Variants in CCDC141 observed in about 807,000 individuals in gnomAD.
CCDC141 encodes coiled-coil domain containing 141, also known as coiled-coil domain-containing protein 141.
CCDC141 carries 168 observed loss-of-function variants against 181.0 expected under a neutral mutation model. The observed-to-expected ratio is 0.93, with a 90% CI of 0.82 to 1.05. The LOEUF (loss-of-function observed/expected upper bound fraction) is 1.05. Among genes scored for constraint, CCDC141 ranks in the 50% least tolerant of loss-of-function variants. CCDC141 has a pLI of 0.00. For synonymous variants in CCDC141, 666 were observed against 642.3 expected (o/e 1.04, Z -0.56); for missense variants, 1,902 against 1,788.5 (o/e 1.06, Z -1.14).
intron 6 of CCDC141, among the ~76,000 whole-genome samples, chr2:178,925,689 A>G (rs1221286865): frequency 6.6e-6 from 1 of 152,182 alleles, no homozygotes; most frequent in African/African-American, 2.4e-5. Flanking sequence ...TAGTTAAGTA[A>G]CAGAGCCTGG....
rs34625707 is a variant in CCDC141, at chr2:178,870,231, C to CAAAAAAAAAAAAAAAAAAA, written c.2206-945_2206-927dup. On this transcript the variant is annotated intron_variant, in intron 14 of 23. Coordinates refer to ENST00000443758, the MANE Select transcript of CCDC141 (RefSeq NM_173648.4). Reference sequence around the variant, plus strand: ...TGGGCAACAGAGTAAGACTCTGTCTCAAAAAAAAAAAAAAAAAAAAAAAGA... The same window carrying CAAAAAAAAAAAAAAAAAAA: ...TGGGCAACAGAGTAAGACTCTGTCTCAAAAAAAAAAAAAAAAAAAAAAAAAAAAAAAAAAAAAAAAAAGA... Among the ~76,000 whole-genome samples the CAAAAAAAAAAAAAAAAAAA allele has an allele frequency of 1.2e-4, 7 of 60,294 alleles. 1 individual carries two copies. The highest frequency in any genetic ancestry group is 3.6e-4 in the African/African-American group (6 of 16,840). 39.6% of individuals were successfully genotyped at this position (60,294 alleles called of 152,430 possible).
chr2:178,892,694 A>G (rs1026800572), intron 8 of CCDC141, among the ~76,000 whole-genome samples: 9 of 152,182 alleles, frequency 5.9e-5, no homozygotes, highest in African/African-American at 2.2e-4. Flanking sequence ...TGATCAAAAG[A>G]AAGGTATGAC....
intron 22 of CCDC141, among the ~76,000 whole-genome samples, chr2:178,838,663 C>T (rs1025346947): frequency 1.3e-5 from 2 of 152,160 alleles, no homozygotes; most frequent in Non-Finnish European, 2.9e-5. Flanking sequence ...AGATGATATC[C>T]TAGTGGAGGA....
At chr2:178,889,107 C>T (rs1687024294) in intron 8 of CCDC141, among the ~76,000 whole-genome samples, 1 of 152,078 alleles carries the variant, frequency 6.6e-6, no homozygotes, top group South Asian at 2.1e-4. Context: ...ATTTACATAA[C>T]ACTAAGGTCC....
intron 2 of CCDC141, among the ~76,000 whole-genome samples, chr2:179,012,433 C>T (rs552394858): frequency 6.6e-6 from 1 of 152,122 alleles, no homozygotes; most frequent in South Asian, 2.1e-4. Context: ...AAATTAGATA[C>T]CCTGAACAGA....
intron 22 of CCDC141, among the ~76,000 whole-genome samples, chr2:178,841,919 T>C (rs188456479): frequency 6.6e-6 from 1 of 152,326 alleles, no homozygotes; most frequent in East Asian, 1.9e-4. Flanking sequence ...AGGCGTAAGC[T>C]ACAGCACCCA....
chr2:178,886,677 G>T, intron 10 of CCDC141, 75 bp downstream of exon 10: 2 of 987,932 alleles, frequency 2.0e-6, no homozygotes, highest in Non-Finnish European at 2.9e-6. Flanking sequence ...CTAGGATTAA[G>T]TTTATAGCTA....
intron 2 of CCDC141, among the ~76,000 whole-genome samples, chr2:179,003,259 G>A (rs1002762309): frequency 6.6e-6 from 1 of 152,126 alleles, no homozygotes; most frequent in Non-Finnish European, 1.5e-5. Flanking sequence ...TTTCTCCAGT[G>A]GTGGAGATGA....
chr2:178,870,222 ACT>A (rs1686049639), intron 14 of CCDC141, among the ~76,000 whole-genome samples: 1 of 116,700 alleles, frequency 8.6e-6, no homozygotes, highest in South Asian at 3.0e-4. Context: ...ACAGAGTAAG[ACT>A]CTGTCTCAAA....
Position 178,834,044 on chromosome 2 carries a change from C to T in CCDC141, c.*129G>A, listed in dbSNP as rs116465960. ...TATTTCACCTAGCAGTGGTATTAGCCAAACAAGTATGGTGATCAGACTGGA... is the reference window on the plus strand; with the variant it reads ...TATTTCACCTAGCAGTGGTATTAGCTAAACAAGTATGGTGATCAGACTGGA... On this transcript the variant is annotated 3_prime_UTR_variant, in exon 24 of 24. Coordinates refer to ENST00000443758, the MANE Select transcript of CCDC141 (RefSeq NM_173648.4). 8,495 of 947,726 alleles carry T rather than the reference C, an allele frequency of 9.0e-3. 67 individuals carry two copies. The highest frequency in any genetic ancestry group is 0.011 in the South Asian group (617 of 57,596). The allele number at this position is 947,726 out of a possible 1,614,324, so 58.7% of individuals were successfully genotyped here.
downstream of CCDC141, among the ~76,000 whole-genome samples, chr2:178,827,937 A>C (rs1454692758): frequency 6.6e-6 from 1 of 152,140 alleles, no homozygotes; most frequent in Non-Finnish European, 1.5e-5. Flanking sequence ...ATATTTCCTC[A>C]CTTCTTTTAG....
intron 5 of CCDC141, among the ~76,000 whole-genome samples, chr2:178,952,256 T>C (rs1689979519): frequency 6.6e-6 from 1 of 152,236 alleles, no homozygotes; most frequent in Non-Finnish European, 1.5e-5. Context: ...TGTATGCTAG[T>C]GATTATCCAG....
intron 8 of CCDC141, among the ~76,000 whole-genome samples, chr2:178,902,982 T>C (rs1450960350): frequency 6.7e-6 from 1 of 149,068 alleles, no homozygotes; most frequent in African/African-American, 2.4e-5. Flanking sequence ...AAGACATTTA[T>C]GCAGCCAAAA....
At chr2:178,871,390 T>C in intron 14 of CCDC141, 37 bp downstream of exon 14, 1 of 1,593,442 alleles carries the variant, frequency 6.3e-7, no homozygotes, top group Non-Finnish European at 8.5e-7. Context: ...TTAAGTATTT[T>C]TTCCATTCAC....
rs1312921757 is a variant in CCDC141, at chr2:178,978,641, T to C, written c.260A>G (p.Glu87Gly). 6.5e-7 allele frequency: 1 copy of C among 1,546,662 alleles called. No individual in the cohort carries two copies. The highest frequency in any genetic ancestry group is 2.0e-5 in the Admixed American group (1 of 50,442). The stretch of plus-strand genomic sequence containing the variant: ...GTTCTCTTCAGCTGTCTTGTCTGCT[T>C]CCTGCAAGAGTTCCCATACCCGATC... ...LEDRVWELLQ[E>G]ADKTAEENKD... is the part of the protein sequence containing the mutation. Residue 87 changes from glutamate to glycine, a missense_variant, in exon 3 of 24, where the codon GAA (glutamate) becomes GGA (glycine). By Grantham distance (98) the Glu-to-Gly change is moderately conservative. Transcript: ENST00000443758.
At chr2:178,971,035 C>T (rs539025581) in intron 4 of CCDC141, among the ~76,000 whole-genome samples, 1 of 152,134 alleles carries the variant, frequency 6.6e-6, no homozygotes, top group Admixed American at 6.5e-5. Context: ...TGGTGAAACT[C>T]CATCTCTACT....
the CCDC141 span, among the ~76,000 whole-genome samples, chr2:178,818,514 T>C: frequency 6.6e-6 from 1 of 152,142 alleles, no homozygotes; most frequent in Non-Finnish European, 1.5e-5. Context: ...CACTTATAAG[T>C]GAGAACATGT....
intron 12 of CCDC141, chr2:178,875,031 G>T (rs1022213670): frequency 2.0e-5 from 3 of 152,158 alleles, no homozygotes; most frequent in Non-Finnish European, 4.4e-5. Flanking sequence ...AACTCTGGGA[G>T]CCTGAGGGGA....
chr2:178,969,910 A>G (rs965489410), intron 4 of CCDC141, among the ~76,000 whole-genome samples: 2 of 152,226 alleles, frequency 1.3e-5, no homozygotes, highest in African/African-American at 2.4e-5. Context: ...TTAAGCTGAT[A>G]TGCAACTTCA....
Sources: gnomAD v4.1 joint callset for allele counts (sites outside exome capture counted in the v4.1 genomes callset) on GRCh38, gnomAD v4.1.1 for gene constraint, MANE v1.5 for transcripts, NCBI Gene and HGNC (gene_info 2026-07-23, HGNC 2026-07-21) for gene names.